The following NCEH1 variants were observed in gnomAD, a reference collection of about 807,000 sequenced individuals.
NCEH1 encodes 2-acetyl MAGE hydrolase.
A neutral mutation model predicts 25.4 loss-of-function variants in NCEH1; 9 were observed. The ratio of observed to expected loss-of-function variants is 0.35; its 90% CI spans 0.21 to 0.62. The LOEUF (loss-of-function observed/expected upper bound fraction) is 0.62, where lower values mean the gene tolerates loss of function less well. Ranked by LOEUF, NCEH1 falls within the 20% of genes least tolerant of loss-of-function variation. The pLI is 0.72. For synonymous variants in NCEH1, 200 were observed against 199.8 expected (o/e 1.00, Z -0.01); for missense variants, 412 against 501.1 (o/e 0.82, Z 1.70).
intron 1 of NCEH1, among the ~76,000 whole-genome samples, chr3:172,703,903 C>T (rs1344213524): frequency 6.6e-6 from 1 of 152,192 alleles, no homozygotes; most frequent in Non-Finnish European, 1.5e-5. Context: ...TGACACTATT[C>T]TTAAAACCTT....
intron 1 of NCEH1, among the ~76,000 whole-genome samples, chr3:172,657,448 A>G (rs545941278): frequency 6.6e-6 from 1 of 152,252 alleles, no homozygotes; most frequent in East Asian, 1.9e-4. Context: ...CTTCTCTCAC[A>G]TGATTTCCAA....
At chr3:172,703,357 C>T (rs1388295117) in intron 1 of NCEH1, 4 of 151,524 alleles carry the variant, frequency 2.6e-5, no homozygotes, top group African/African-American at 9.7e-5. Context: ...AAACCCCATC[C>T]CTACAAAAAT....
intron 1 of NCEH1, among the ~76,000 whole-genome samples, chr3:172,650,925 A>G (rs186648459): frequency 8.5e-5 from 13 of 152,258 alleles, no homozygotes; most frequent in African/African-American, 3.1e-4. Flanking sequence ...TGCTACAAGA[A>G]AAACTGTGCT....
At chr3:172,657,023 C>A (rs1717729347) in intron 1 of NCEH1, among the ~76,000 whole-genome samples, 2 of 152,094 alleles carry the variant, frequency 1.3e-5, no homozygotes, top group Admixed American at 6.6e-5. Flanking sequence ...CCCACTCCCC[C>A]CATTTTTATT....
intron 3 of NCEH1, among the ~76,000 whole-genome samples, chr3:172,639,878 T>C (rs1035014932): frequency 6.6e-6 from 1 of 152,194 alleles, no homozygotes; most frequent in Admixed American, 6.5e-5. Context: ...CGTATGTCAC[T>C]CAAATCTCAA....
At chr3:172,657,803 A>AT (rs1717771418) in intron 1 of NCEH1, among the ~76,000 whole-genome samples, 1 of 152,224 alleles carries the variant, frequency 6.6e-6, no homozygotes, top group Admixed American at 6.5e-5. Context: ...GCAGTCAAGC[A>AT]TAACTTGCCT....
chr3:172,636,717 G>C (rs917165200), intron 3 of NCEH1, among the ~76,000 whole-genome samples: 3 of 152,134 alleles, frequency 2.0e-5, no homozygotes, highest in Non-Finnish European at 4.4e-5. Flanking sequence ...GGATACTTCT[G>C]GGGCTTCTCC....
intron 1 of NCEH1, among the ~76,000 whole-genome samples, chr3:172,675,583 TAAAGG>T (rs1202924814): frequency 6.6e-6 from 1 of 152,154 alleles, no homozygotes; most frequent in Non-Finnish European, 1.5e-5. Context: ...ATTTAATCAT[TAAAGG>T]AAAGGAATTG....
intron 1 of NCEH1, among the ~76,000 whole-genome samples, chr3:172,691,292 T>G (rs1304572600): frequency 6.6e-6 from 1 of 152,228 alleles, no homozygotes; most frequent in East Asian, 1.9e-4. Flanking sequence ...CCATCACTCC[T>G]GCCTTTGTGC....
At chr3:172,696,580 C>G (rs1713387205) in intron 1 of NCEH1, among the ~76,000 whole-genome samples, 1 of 152,202 alleles carries the variant, frequency 6.6e-6, no homozygotes, top group Non-Finnish European at 1.5e-5. Flanking sequence ...CTTGCTAGAT[C>G]AGTAAACAAA....
chr3:172,676,023 A>C (rs1387174970), intron 1 of NCEH1, among the ~76,000 whole-genome samples: 1 of 152,062 alleles, frequency 6.6e-6, no homozygotes, highest in Non-Finnish European at 1.5e-5. Context: ...CCTTAAATCA[A>C]CCTCAGGAGA....
intron 1 of NCEH1, 121 bp downstream of exon 1, chr3:172,710,726 G>T: frequency 9.1e-7 from 1 of 1,093,066 alleles, no homozygotes; most frequent in Non-Finnish European, 1.3e-6. Flanking sequence ...CTCAAAAAGC[G>T]ACAGCCTCAA....
intron 4 of NCEH1, among the ~76,000 whole-genome samples, chr3:172,635,368 C>T (rs1480549095): frequency 6.6e-6 from 1 of 151,912 alleles, no homozygotes; most frequent in Non-Finnish European, 1.5e-5. Flanking sequence ...TTCCCACTTG[C>T]CAAAAAAATT....
At chr3:172,710,202 G>A (rs1459103113) in intron 1 of NCEH1, among the ~76,000 whole-genome samples, 2 of 152,314 alleles carry the variant, frequency 1.3e-5, no homozygotes, top group South Asian at 2.1e-4. Flanking sequence ...TGCAAACCAG[G>A]GCTGCCGCCT....
chr3:172,705,507 G>A (rs1018561499), intron 1 of NCEH1, among the ~76,000 whole-genome samples: 3 of 152,204 alleles, frequency 2.0e-5, no homozygotes, highest in South Asian at 2.1e-4. Context: ...GGGGGAAGAC[G>A]TCAAGTGACA....
At chr3:172,666,366 C>T (rs951385195) in intron 1 of NCEH1, among the ~76,000 whole-genome samples, 2 of 152,150 alleles carry the variant, frequency 1.3e-5, no homozygotes, top group African/African-American at 4.8e-5. Flanking sequence ...ATAAATGACA[C>T]ACCTGGTCAA....
At chr3:172,656,562 CAA>C in intron 1 of NCEH1, among the ~76,000 whole-genome samples, 1 of 152,170 alleles carries the variant, frequency 6.6e-6, no homozygotes, top group East Asian at 1.9e-4. Flanking sequence ...GTCAGGAGAT[CAA>C]GATCATCCTG....
chr3:172,669,115 T>TTAG (rs1338252577), intron 1 of NCEH1, among the ~76,000 whole-genome samples: 1 of 152,226 alleles, frequency 6.6e-6, no homozygotes, highest in Non-Finnish European at 1.5e-5. Flanking sequence ...GACAGAGGCC[T>TTAG]TGGGTCTAAT....
intron 3 of NCEH1, among the ~76,000 whole-genome samples, chr3:172,638,275 C>A (rs62283208): frequency 1.2e-5 from 1 of 81,900 alleles, no homozygotes; most frequent in African/African-American, 4.1e-5. Context: ...GAGACTCTGT[C>A]CAAAAAAAAA....
Sources: gnomAD v4.1 joint callset for allele counts (sites outside exome capture counted in the v4.1 genomes callset) on GRCh38, gnomAD v4.1.1 for gene constraint, MANE v1.5 for transcripts, NCBI Gene and HGNC (gene_info 2026-07-23, HGNC 2026-07-21) for gene names.